The following FAM53B variants were observed in gnomAD, a reference collection of about 807,000 sequenced individuals.
FAM53B encodes the protein protein FAM53B.
FAM53B carries 12 observed loss-of-function variants against 32.7 expected under a neutral mutation model. That is an observed-to-expected ratio of 0.37 (90% confidence interval 0.24 to 0.59). FAM53B has a LOEUF of 0.59. Among genes scored for constraint, FAM53B ranks in the 20% least tolerant of loss-of-function variants. The pLI is 0.72. For synonymous variants in FAM53B, 234 were observed against 228.7 expected, an observed-to-expected ratio of 1.02 and a Z score of -0.21; for missense variants, 477 against 577.7, an observed-to-expected ratio of 0.83 and a Z score of 1.79.
At chr10:124,624,319 G>A (rs563542388) in intron 4 of FAM53B, among the ~76,000 whole-genome samples, 1 of 152,328 alleles carries the variant, frequency 6.6e-6, no homozygotes, top group Non-Finnish European at 1.5e-5. Context: ...GCAGGGAGCT[G>A]GGGAAACATG....
chr10:124,722,821 G>T (rs1057476686), intron 1 of FAM53B, among the ~76,000 whole-genome samples: 9 of 152,188 alleles, frequency 5.9e-5, no homozygotes, highest in African/African-American at 2.2e-4. Context: ...TGTAGCTGGG[G>T]ACAGGGATGA....
At chr10:124,715,647 A>G (rs923116871) in intron 1 of FAM53B, among the ~76,000 whole-genome samples, 3 of 152,174 alleles carry the variant, frequency 2.0e-5, no homozygotes, top group African/African-American at 7.2e-5. Flanking sequence ...CAGCAACCTG[A>G]CTGATGTCTA....
At chr10:124,661,539 TG>T (rs2134056841) in intron 4 of FAM53B, among the ~76,000 whole-genome samples, 1 of 152,300 alleles carries the variant, frequency 6.6e-6, no homozygotes, top group Admixed American at 6.5e-5. Flanking sequence ...TCCCAGCTGG[TG>T]GGCTCTGAGA....
At chr10:124,668,230 A>T (rs1384462480) in intron 4 of FAM53B, among the ~76,000 whole-genome samples, 1 of 152,272 alleles carries the variant, frequency 6.6e-6, no homozygotes, top group Non-Finnish European at 1.5e-5. Flanking sequence ...CTGCATAATC[A>T]GCCAACATCT....
chr10:124,678,939 G>T (rs1212396923), intron 4 of FAM53B, among the ~76,000 whole-genome samples: 1 of 152,208 alleles, frequency 6.6e-6, no homozygotes, highest in East Asian at 1.9e-4. Context: ...TAGGGGAGCT[G>T]CAGCTTTTCA....
At chr10:124,696,347 A>C in intron 2 of FAM53B, 135 bp from the exon 3 acceptor site, 1 of 777,014 alleles carries the variant, frequency 1.3e-6, no homozygotes. Flanking sequence ...AAAGGAGGAA[A>C]AGGTATTCAA....
intron 1 of FAM53B, among the ~76,000 whole-genome samples, chr10:124,726,209 A>G (rs1589765286): frequency 6.6e-6 from 1 of 152,324 alleles, no homozygotes; most frequent in East Asian, 1.9e-4. Flanking sequence ...TTTGCACATG[A>G]GAAAATCAGG....
intron 1 of FAM53B, among the ~76,000 whole-genome samples, chr10:124,738,825 T>C (rs1399874211): frequency 1.3e-5 from 2 of 152,086 alleles, no homozygotes; most frequent in Non-Finnish European, 2.9e-5. Context: ...GGAAACACTT[T>C]TAAGAATCTC....
At chr10:124,641,551 T>C (rs754615039) in intron 4 of FAM53B, among the ~76,000 whole-genome samples, 6 of 152,204 alleles carry the variant, frequency 3.9e-5, no homozygotes. Flanking sequence ...CAGACAACCA[T>C]GTGTCATCAC....
chr10:124,706,734 G>A lies in FAM53B; in HGVS notation c.-21C>T, dbSNP rs1949961884. ...ACCATGATAAGGGCCTCAGGCGCTG[G>A]GCTCCATCCCAGGGTGGGTATCAGC... On this transcript the variant is annotated 5_prime_UTR_variant, in exon 2 of 5. Transcript: ENST00000337318. 6.2e-7 allele frequency: 1 copy of A among 1,613,918 alleles called. No individual in the cohort carries two copies. Among genetic ancestry groups the A allele is most frequent in the Non-Finnish European group, 8.5e-7 (1 of 1,179,950 alleles).
At position 124,644,144 on chromosome 10, in the gene FAM53B, G is replaced by T. The variant is rs373478435; in HGVS notation, c.907-20540C>A. Among the ~76,000 whole-genome samples the T allele has an allele frequency of 1.5e-4, 23 of 152,110 alleles. 1 individual carries two copies. Among genetic ancestry groups the T allele is most frequent in the Admixed American group, 1.2e-3 (18 of 15,272 alleles). On this transcript the variant is annotated intron_variant, in intron 4 of 4. Transcript: ENST00000337318. The stretch of plus-strand genomic sequence containing the variant: ...GAGCTGCTTATAGTTGGGGGAAGAG[G>T]GTACCCAGGCCTGGCCACTTTGCAG...
chr10:124,719,138 A>C (rs896195215), intron 1 of FAM53B, among the ~76,000 whole-genome samples: 1 of 152,220 alleles, frequency 6.6e-6, no homozygotes, highest in African/African-American at 2.4e-5. Context: ...TTTGGCTTTA[A>C]ATTACTTAGA....
chr10:124,668,785 C>T (rs560781421), intron 4 of FAM53B, among the ~76,000 whole-genome samples: 2 of 152,354 alleles, frequency 1.3e-5, no homozygotes, highest in Admixed American at 1.3e-4. Context: ...GAGCACGGTA[C>T]GGCACAGCCA....
chr10:124,651,926 T>C lies in FAM53B; in HGVS notation c.907-28322A>G, dbSNP rs567664562. 7.1e-4 allele frequency among the ~76,000 whole-genome samples: 108 copies of C among 152,306 alleles called. 1 individual carries two copies. Among genetic ancestry groups the C allele is most frequent in the African/African-American group, 2.3e-3 (97 of 41,556 alleles). On this transcript the variant is annotated intron_variant, in intron 4 of 4. Coordinates refer to ENST00000337318, the MANE Select transcript of FAM53B (RefSeq NM_014661.4). This position sits in a 1 kb window ranked among gnomAD's most constrained non-coding sequence, Gnocchi z 5.2. ...GGTTCCTTTATTTGTCCCCCATCTG[T>C]GAAGCATCTGTGGTCCACCAGGTGC...
intron 1 of FAM53B, among the ~76,000 whole-genome samples, chr10:124,730,298 T>C (rs941332545): frequency 7.2e-5 from 11 of 152,070 alleles, no homozygotes; most frequent in Non-Finnish European, 1.3e-4. Context: ...CAAACACACA[T>C]GGGGCACTGG....
At chr10:124,709,803 A>G (rs1949988118) in intron 1 of FAM53B, among the ~76,000 whole-genome samples, 1 of 151,880 alleles carries the variant, frequency 6.6e-6, no homozygotes, top group South Asian at 2.1e-4. Context: ...GAGCGAGTCC[A>G]CTAGCCTGAG....
intron 4 of FAM53B, among the ~76,000 whole-genome samples, chr10:124,678,416 C>T (rs1232239989): frequency 6.6e-6 from 1 of 152,242 alleles, no homozygotes; most frequent in African/African-American, 2.4e-5. Flanking sequence ...GTTTCCCTTG[C>T]TCCTCCCACA....
intron 4 of FAM53B, among the ~76,000 whole-genome samples, chr10:124,645,434 T>C (rs1005792426): frequency 1.3e-5 from 2 of 152,124 alleles, no homozygotes; most frequent in Non-Finnish European, 2.9e-5. Context: ...GGGCCCAAGA[T>C]GGGCCCACGC....
chr10:124,721,814 T>A (rs888428738), intron 1 of FAM53B, among the ~76,000 whole-genome samples: 3 of 152,164 alleles, frequency 2.0e-5, no homozygotes, highest in Non-Finnish European at 4.4e-5. Flanking sequence ...CTGCAGACTG[T>A]CCTACTCATG....
Sources: allele counts gnomAD v4.1 joint callset (sites outside exome capture counted in the v4.1 genomes callset), GRCh38; gene constraint gnomAD v4.1.1; non-coding constraint Gnocchi (gnomAD v3.1); transcripts MANE v1.5; gene names NCBI Gene and HGNC (gene_info 2026-07-23, HGNC 2026-07-21).